The following SRGAP1 variants were observed in gnomAD, a reference collection of about 807,000 sequenced individuals.
SRGAP1 encodes the protein SLIT-ROBO Rho GTPase activating protein 1, also known as SLIT-ROBO Rho GTPase-activating protein 1.
In SRGAP1, 43 loss-of-function variants were observed where a neutral mutation model predicts 121.9. The observed-to-expected ratio is 0.35, with a 90% CI of 0.28 to 0.46. The LOEUF is 0.46. Among genes scored for constraint, SRGAP1 ranks in the 20% least tolerant of loss-of-function variants. The pLI, the probability that SRGAP1 is intolerant of heterozygous loss-of-function variation, is 1.00. For synonymous variants in SRGAP1, 447 were observed against 485.4 expected (o/e 0.92, Z 1.04); for missense variants, 1,102 against 1,350.9 (o/e 0.82, Z 2.89).
At chr12:63,997,983 ATC>A (rs201693217) in intron 3 of SRGAP1, among the ~76,000 whole-genome samples, 1,637 of 152,292 alleles carry the variant, frequency 0.011, 22 homozygotes, top group African/African-American at 0.034. Flanking sequence ...AGCAGAGCCT[ATC>A]ACTCTTTTGC....
chr12:64,070,739 A>T (rs1043345117), intron 8 of SRGAP1, among the ~76,000 whole-genome samples: 3 of 152,228 alleles, frequency 2.0e-5, no homozygotes, highest in African/African-American at 7.2e-5. Flanking sequence ...TTTTAGGCAA[A>T]CATTTGAGAC....
At chr12:63,892,004 AAAAG>A in intron 1 of SRGAP1, among the ~76,000 whole-genome samples, 1 of 151,902 alleles carries the variant, frequency 6.6e-6, no homozygotes, top group African/African-American at 2.4e-5. Context: ...AAAAAAGAAA[AAAAG>A]AAAAAAGAAA....
intron 18 of SRGAP1, among the ~76,000 whole-genome samples, chr12:64,125,390 C>T (rs1036782670): frequency 7.9e-5 from 12 of 152,044 alleles, no homozygotes; most frequent in African/African-American, 2.4e-4. Context: ...AGAAAAAAAT[C>T]GGGATTACCG....
At chr12:63,969,560 A>G (rs539621874) in intron 1 of SRGAP1, among the ~76,000 whole-genome samples, 83 of 152,206 alleles carry the variant, frequency 5.5e-4, no homozygotes, top group African/African-American at 1.7e-3. Context: ...TTGGGAGGCC[A>G]AGGCAGGCGG....
At chr12:63,961,567 C>T (rs2032643609) in intron 1 of SRGAP1, among the ~76,000 whole-genome samples, 2 of 152,154 alleles carry the variant, frequency 1.3e-5, no homozygotes. Context: ...GACTCCTGAC[C>T]AGGACAGAGC....
chr12:64,049,052 G>T (rs2035187549), intron 6 of SRGAP1, among the ~76,000 whole-genome samples: 1 of 152,140 alleles, frequency 6.6e-6, no homozygotes, highest in African/African-American at 2.4e-5. Context: ...TCTGCCTCTA[G>T]GGTGTTACTC....
chr12:64,043,130 T>A (rs554481945), intron 5 of SRGAP1, among the ~76,000 whole-genome samples, 158 bp downstream of exon 5: 1 of 152,198 alleles, frequency 6.6e-6, no homozygotes, highest in South Asian at 2.1e-4. Flanking sequence ...ATAAAAATCA[T>A]GTAATAACAG....
At chr12:63,961,635 G>C (rs1018378296) in intron 1 of SRGAP1, among the ~76,000 whole-genome samples, 2 of 152,306 alleles carry the variant, frequency 1.3e-5, no homozygotes, top group Non-Finnish European at 2.9e-5. Flanking sequence ...GCCTGATAGT[G>C]GGTGGTAGGT....
intron 1 of SRGAP1, among the ~76,000 whole-genome samples, chr12:63,940,490 G>A (rs112771267): frequency 3.3e-5 from 5 of 152,106 alleles, no homozygotes; most frequent in Admixed American, 6.5e-5. Flanking sequence ...ATGTGTTAAG[G>A]GGGTGGGGGT....
intron 3 of SRGAP1, among the ~76,000 whole-genome samples, chr12:63,990,572 C>A (rs1353998235): frequency 6.6e-6 from 1 of 152,046 alleles, no homozygotes; most frequent in Non-Finnish European, 1.5e-5. Context: ...ATGAATTAAT[C>A]TTTTAAAAAT....
In SRGAP1 at chr12:64,146,333, A is replaced by AT. The variant is rs1565702286; in HGVS notation, c.*3663dup. The AT allele has an allele frequency of 6.6e-6, 1 of 152,176 alleles. No individual in the cohort carries two copies. The highest frequency in any genetic ancestry group is 1.5e-5 in the Non-Finnish European group (1 of 68,038). The allele number at this position is 152,176 out of a possible 1,614,324, so 9.4% of individuals were successfully genotyped here. A position where few individuals can be genotyped will look rare whatever the true frequency, so the allele number is the denominator to read the frequency against. ...GTGGATATAGTGCTCCAAGAGTCAAATTGTATCCGTTAAGGGTTTTCTAAC... is the reference window on the plus strand; with the variant it reads ...GTGGATATAGTGCTCCAAGAGTCAAATTTGTATCCGTTAAGGGTTTTCTAAC... On this transcript the variant is annotated 3_prime_UTR_variant, in exon 22 of 22. Transcript: ENST00000355086.
chr12:64,103,202 G>C (rs898218363), intron 15 of SRGAP1, among the ~76,000 whole-genome samples: 2 of 152,030 alleles, frequency 1.3e-5, no homozygotes, highest in Admixed American at 6.6e-5. Flanking sequence ...GGCTGGTCTT[G>C]AACTCCTGGA....
At chr12:64,034,266 C>T (rs1286483425) in intron 4 of SRGAP1, among the ~76,000 whole-genome samples, 1 of 152,012 alleles carries the variant, frequency 6.6e-6, no homozygotes, top group African/African-American at 2.4e-5. Context: ...GTAGCACCTC[C>T]CCCTTTGCCC....
intron 1 of SRGAP1, among the ~76,000 whole-genome samples, chr12:63,955,637 T>G (rs1258589238): frequency 2.0e-5 from 3 of 152,156 alleles, no homozygotes; most frequent in African/African-American, 7.2e-5. Flanking sequence ...GTTGGTTTTC[T>G]TCATAAGCCA....
At position 64,004,860 on chromosome 12, in the gene SRGAP1, C is replaced by T. The variant is rs115517761; in HGVS notation, c.427-12090C>T. Among the ~76,000 whole-genome samples, 1,089 of 152,306 alleles carry T rather than the reference C, an allele frequency of 7.2e-3. 13 individuals are homozygous for T. Among genetic ancestry groups the T allele is most frequent in the African/African-American group, 0.025 (1,026 of 41,564 alleles). On this transcript the variant is annotated intron_variant, in intron 3 of 21. Coordinates refer to ENST00000355086, the MANE Select transcript of SRGAP1 (RefSeq NM_020762.4). ...GAACAGTATTCTGGTTGCTAGCCAACTTTCTTACCAGTTGAAGACTATGTT... is the reference window on the plus strand; with the variant it reads ...GAACAGTATTCTGGTTGCTAGCCAATTTTCTTACCAGTTGAAGACTATGTT...
In SRGAP1 at chr12:64,065,845, C is replaced by G. The variant is rs141433947; in HGVS notation, c.1125+626C>G. ...TATAATTAGAACAAAATCATATTTT[C>G]AAATGGTACTTGAATGAGGATAGAA... On this transcript the variant is annotated intron_variant, in intron 8 of 21. Transcript: ENST00000355086. 6.7e-3 allele frequency among the ~76,000 whole-genome samples: 1,014 copies of G among 152,232 alleles called. 7 individuals are homozygous for G. The highest frequency in any genetic ancestry group is 0.022 in the African/African-American group (931 of 41,536).
intron 1 of SRGAP1, among the ~76,000 whole-genome samples, chr12:63,876,503 G>A (rs1463608727): frequency 6.6e-6 from 1 of 152,126 alleles, no homozygotes. Flanking sequence ...ATGTTTAACT[G>A]TGAAATTACA....
intron 1 of SRGAP1, among the ~76,000 whole-genome samples, chr12:63,908,250 T>C (rs926171058): frequency 6.6e-6 from 1 of 152,174 alleles, no homozygotes; most frequent in African/African-American, 2.4e-5. Context: ...AAATTCAAAC[T>C]AGCTGAGATT....
At chr12:64,080,189 G>A in intron 9 of SRGAP1, 97 bp from the exon 10 acceptor site, 2 of 956,380 alleles carry the variant, frequency 2.1e-6, no homozygotes, top group Non-Finnish European at 3.0e-6. Flanking sequence ...GTTGCAGTGA[G>A]CCAAGATCGC....
Sources: gnomAD v4.1 joint callset for allele counts (sites outside exome capture counted in the v4.1 genomes callset) on GRCh38, gnomAD v4.1.1 for gene constraint, MANE v1.5 for transcripts, NCBI Gene and HGNC (gene_info 2026-07-23, HGNC 2026-07-21) for gene names.